The following UTRN variants were observed in gnomAD, a reference collection of about 807,000 sequenced individuals.
The protein encoded by UTRN is utrophin.
UTRN carries 283 observed loss-of-function variants against 463.9 expected under a neutral mutation model. That is an observed-to-expected ratio of 0.61 (90% CI 0.55 to 0.67). The LOEUF (loss-of-function observed/expected upper bound fraction) is 0.67. Among genes scored for constraint, UTRN ranks in the 30% least tolerant of loss-of-function variants. The probability of loss-of-function intolerance (pLI) is 0.00; values close to 1 mark genes in which losing one functional copy is unlikely to be tolerated. For missense variants in UTRN, 3,922 were observed against 4,084.3 expected (o/e 0.96, Z 1.08); for synonymous variants, 1,442 against 1,431.5 (o/e 1.01, Z -0.17).
At chr6:144,718,243 G>A (rs1210188127) in intron 53 of UTRN, among the ~76,000 whole-genome samples, 1 of 152,152 alleles carries the variant, frequency 6.6e-6, no homozygotes, top group Admixed American at 6.5e-5. Flanking sequence ...GAAAAGTCAG[G>A]AGGATCACTT....
intron 2 of UTRN, among the ~76,000 whole-genome samples, chr6:144,385,630 A>G (rs1190248898): frequency 1.3e-5 from 2 of 152,202 alleles, no homozygotes; most frequent in Non-Finnish European, 2.9e-5. Context: ...CTGAATTTAC[A>G]AATTTTTTCT....
At chr6:144,793,404 C>T (rs1416746748) in intron 62 of UTRN, among the ~76,000 whole-genome samples, 3 of 152,088 alleles carry the variant, frequency 2.0e-5, no homozygotes, top group African/African-American at 7.2e-5. Context: ...CCACAGCACC[C>T]AACTACATCT....
intron 73 of UTRN, among the ~76,000 whole-genome samples, chr6:144,846,147 G>A (rs1271687954): frequency 6.6e-6 from 1 of 152,204 alleles, no homozygotes; most frequent in Non-Finnish European, 1.5e-5. Context: ...TGCAAAGCCC[G>A]CCAGATCGTC....
chr6:144,313,488 G>A (rs1271239318), intron 2 of UTRN, among the ~76,000 whole-genome samples: 1 of 152,220 alleles, frequency 6.6e-6, no homozygotes, highest in African/African-American at 2.4e-5. Context: ...ACAGAACATG[G>A]TGGTGGAGAG....
At chr6:144,557,765 A>G (rs905906141) in intron 50 of UTRN, among the ~76,000 whole-genome samples, 1 of 152,124 alleles carries the variant, frequency 6.6e-6, no homozygotes, top group African/African-American at 2.4e-5. Flanking sequence ...TCCCTGAAAT[A>G]ATCTATGTGC....
chr6:144,834,496 T>C (rs1004309448), intron 69 of UTRN, among the ~76,000 whole-genome samples: 1 of 152,184 alleles, frequency 6.6e-6, no homozygotes, highest in Non-Finnish European at 1.5e-5. Context: ...GGATAAACCT[T>C]TTCTAGGAAT....
intron 49 of UTRN, among the ~76,000 whole-genome samples, chr6:144,556,601 A>G (rs1413374610): frequency 6.6e-6 from 1 of 152,240 alleles, no homozygotes; most frequent in East Asian, 1.9e-4. Context: ...CAGAGGCTGA[A>G]AAACTATGTC....
intron 35 of UTRN, 76 bp from the exon 36 acceptor site, chr6:144,513,833 C>T (rs1795380508): frequency 2.0e-6 from 3 of 1,517,506 alleles, no homozygotes; most frequent in Admixed American, 2.1e-5. Flanking sequence ...CTTTGAAGGT[C>T]TTTTAAATCT....
chr6:144,751,791 GTTCTT>G lies in UTRN; in HGVS notation c.8209-9_8209-5del. 1 of 1,584,664 alleles carries G rather than the reference GTTCTT, an allele frequency of 6.3e-7. No homozygotes were observed. Among genetic ancestry groups the G allele is most frequent in the Non-Finnish European group, 8.6e-7 (1 of 1,168,136 alleles). ...ATTCGTTTCCAATAATATATTTTTTGTTCTTTTCTTCTAGGCATTTAGAGAAGAAA... is the reference window on the plus strand; with the variant it reads ...ATTCGTTTCCAATAATATATTTTTTGTTCTTCTAGGCATTTAGAGAAGAAA... On this transcript the variant is annotated splice_polypyrimidine_tract_variant and intron_variant, in intron 55 of 74. Coordinates refer to ENST00000367545, the MANE Select transcript of UTRN (RefSeq NM_007124.3).
intron 74 of UTRN, among the ~76,000 whole-genome samples, chr6:144,848,063 G>A (rs1482679938): frequency 6.6e-6 from 1 of 152,160 alleles, no homozygotes; most frequent in African/African-American, 2.4e-5. Context: ...TAGGCTAGGG[G>A]TGTGGTGAGC....
At chr6:144,841,283 A>G (rs1422865719) in intron 73 of UTRN, among the ~76,000 whole-genome samples, 1 of 152,202 alleles carries the variant, frequency 6.6e-6, no homozygotes, top group Non-Finnish European at 1.5e-5. Flanking sequence ...CCAGTGCAGA[A>G]AGGGATTGTT....
chr6:144,757,815 C>A, intron 57 of UTRN, 114 bp from the exon 58 acceptor site: 1 of 896,572 alleles, frequency 1.1e-6, no homozygotes, highest in Non-Finnish European at 1.7e-6. Flanking sequence ...AGGAATCCAG[C>A]TCAGAAACCA....
At position 144,828,807 on chromosome 6, in the gene UTRN, G is replaced by C; in HGVS notation, c.9617G>C (p.Arg3206Thr). Residue 3206 changes from arginine (R) to threonine (T), a missense_variant, in exon 69 of 75, where the codon AGG (arginine) becomes ACG (threonine). By Grantham distance (71) the Arg-to-Thr change is moderately conservative. Coordinates refer to ENST00000367545, the MANE Select transcript of UTRN (RefSeq NM_007124.3). ...QYATRLAQME[R>T]TNGSFLTDSS... Reference sequence around the variant, plus strand: ...TTTTGCAGACTGGCCCAGATGGAAAGGACTAATGGGTCTTTTCTCACTGAT... The same window carrying C: ...TTTTGCAGACTGGCCCAGATGGAAACGACTAATGGGTCTTTTCTCACTGAT... 6.2e-7 allele frequency: 1 copy of C among 1,613,450 alleles called. No homozygotes were observed. The highest frequency in any genetic ancestry group is 1.7e-5 in the Admixed American group (1 of 59,962).
At chr6:144,377,183 G>A (rs528920821) in intron 2 of UTRN, among the ~76,000 whole-genome samples, 35 of 152,032 alleles carry the variant, frequency 2.3e-4, no homozygotes, top group African/African-American at 7.5e-4. Flanking sequence ...GATTACAAGC[G>A]TGCACCACCA....
intron 2 of UTRN, among the ~76,000 whole-genome samples, chr6:144,308,862 G>A (rs546186193): frequency 1.1e-4 from 16 of 152,172 alleles, no homozygotes; most frequent in South Asian, 2.1e-4. Context: ...TAGCTACCAC[G>A]CCATTCCTCT....
intron 51 of UTRN, among the ~76,000 whole-genome samples, chr6:144,673,766 A>C (rs1781295077): frequency 6.6e-6 from 1 of 152,052 alleles, no homozygotes; most frequent in South Asian, 2.1e-4. Flanking sequence ...TAAGGAGATT[A>C]TATTTTGGTG....
intron 2 of UTRN, among the ~76,000 whole-genome samples, chr6:144,327,223 G>A (rs1014749294): frequency 5.9e-5 from 9 of 152,124 alleles, no homozygotes; most frequent in Non-Finnish European, 1.0e-4. Flanking sequence ...AGAAGGAGGA[G>A]GGGTGCCAGG....
chr6:144,339,843 A>AAAAATGCTTGACTG (rs1777008602), intron 2 of UTRN, among the ~76,000 whole-genome samples: 1 of 152,210 alleles, frequency 6.6e-6, no homozygotes, highest in Admixed American at 6.5e-5. Context: ...CTGATCTGAG[A>AAAAATGCTTGACTG]AAAATGCTTG....
chr6:144,667,002 C>T (rs1261256718), intron 51 of UTRN, among the ~76,000 whole-genome samples: 1 of 151,720 alleles, frequency 6.6e-6, no homozygotes, highest in Non-Finnish European at 1.5e-5. Flanking sequence ...TAATGCACCA[C>T]TACTACTTCT....
Sources: allele counts gnomAD v4.1 joint callset (sites outside exome capture counted in the v4.1 genomes callset), GRCh38; gene constraint gnomAD v4.1.1; transcripts MANE v1.5; gene names NCBI Gene and HGNC (gene_info 2026-07-23, HGNC 2026-07-21).